Variants in RAB31 observed in about 807,000 individuals in gnomAD.
RAB31 encodes ras-related protein Rab-31.
Under a neutral mutation model 25.6 loss-of-function variants are expected in RAB31, and 21 were observed. The observed-to-expected ratio is 0.82, with a 90% CI of 0.58 to 1.18. The LOEUF (loss-of-function observed/expected upper bound fraction) is 1.18, where lower values mean the gene tolerates loss of function less well. Ranked by LOEUF, RAB31 falls within the 50% of genes most tolerant of loss-of-function variation. RAB31 has a pLI of 0.00. For missense variants in RAB31, 196 were observed against 250.1 expected (o/e 0.78, Z 1.46); for synonymous variants, 87 against 84.0 (o/e 1.04, Z -0.20).
chr18:9,857,860 T>G (rs1186276714), intron 6 of RAB31, among the ~76,000 whole-genome samples: 1 of 139,704 alleles, frequency 7.2e-6, no homozygotes, highest in African/African-American at 2.6e-5. Context: ...AGACCCTATC[T>G]CTACAAAAAA....
chr18:9,765,712 C>G (rs562423547), intron 1 of RAB31, among the ~76,000 whole-genome samples: 44 of 152,118 alleles, frequency 2.9e-4, no homozygotes, highest in Non-Finnish European at 5.7e-4. Flanking sequence ...AAAGTACTTC[C>G]GATCTCTTTG....
At chr18:9,757,841 C>G (rs1237261068) in intron 1 of RAB31, 1 of 152,250 alleles carries the variant, frequency 6.6e-6, no homozygotes, top group Non-Finnish European at 1.5e-5. Context: ...ATGACTCCAT[C>G]CTGGATGCTA....
chr18:9,857,472 C>A (rs1184654926), intron 6 of RAB31, among the ~76,000 whole-genome samples: 1 of 151,762 alleles, frequency 6.6e-6, no homozygotes, highest in East Asian at 1.9e-4. Context: ...TTTTCTTAGA[C>A]TGTACTGTTT....
chr18:9,772,979 G>A (rs1326892277), intron 1 of RAB31, among the ~76,000 whole-genome samples: 2 of 152,172 alleles, frequency 1.3e-5, no homozygotes, highest in African/African-American at 4.8e-5. Flanking sequence ...AGAAATAGCA[G>A]CGGCATCAAT....
At chr18:9,752,561 T>C (rs1025638956) in intron 1 of RAB31, among the ~76,000 whole-genome samples, 1 of 152,218 alleles carries the variant, frequency 6.6e-6, no homozygotes, top group Non-Finnish European at 1.5e-5. Context: ...CTGTGCAACC[T>C]GGAGGTCTGA....
intron 3 of RAB31, among the ~76,000 whole-genome samples, chr18:9,798,983 C>T (rs2068500627): frequency 6.6e-6 from 1 of 152,104 alleles, no homozygotes; most frequent in Non-Finnish European, 1.5e-5. Flanking sequence ...ACTTGGGAGG[C>T]TGAAGTGAGA....
At chr18:9,786,329 G>A (rs546527216) in intron 2 of RAB31, among the ~76,000 whole-genome samples, 7 of 152,226 alleles carry the variant, frequency 4.6e-5, no homozygotes, top group South Asian at 2.1e-4. Flanking sequence ...TGCCCTAAGC[G>A]TCTCTTCATC....
chr18:9,756,354 C>T lies in RAB31; in HGVS notation c.40-18924C>T, dbSNP rs550267532. Among the ~76,000 whole-genome samples, 6 of 152,296 alleles carry T rather than the reference C, an allele frequency of 3.9e-5. No homozygotes were observed. In the South Asian group the frequency reaches 1.2e-3, roughly 32 times the overall value. On this transcript the variant is annotated intron_variant, in intron 1 of 6. Coordinates refer to ENST00000578921, the MANE Select transcript of RAB31 (RefSeq NM_006868.4). ...GTAAGTTGTGGGCAGACTGTAATAT[C>T]CCCAGCTTATAAATAATGTGGAAGT...
rs570128630 is a variant in RAB31 at position 9,775,656 on chromosome 18, CGAT to C, written c.119+300_119+302del. Among the ~76,000 whole-genome samples, 18 of 152,170 alleles carry C rather than the reference CGAT, an allele frequency of 1.2e-4. No homozygotes were observed. In the East Asian group the frequency reaches 3.5e-3, roughly 29 times the overall value. ...CTTGGCGTTATTTCCAGTTGGAAGA[CGAT>C]ATGCAGAGCAAACCCCTGATAGTTC... On this transcript the variant is annotated intron_variant, in intron 2 of 6. Transcript: ENST00000578921.
chr18:9,724,237 C>T (rs1194367677), intron 1 of RAB31, among the ~76,000 whole-genome samples: 1 of 123,334 alleles, frequency 8.1e-6, no homozygotes, highest in Non-Finnish European at 1.6e-5. Context: ...CGCCACTGCA[C>T]TCCAGCCTGG....
chr18:9,819,643 T>C (rs147335943), intron 5 of RAB31, among the ~76,000 whole-genome samples: 1 of 152,250 alleles, frequency 6.6e-6, no homozygotes, highest in African/African-American at 2.4e-5. Flanking sequence ...TGTTGAATCT[T>C]TAGGCCCATT....
rs2068518301 is a variant in RAB31 at position 9,802,373 on chromosome 18, A to T, written c.201+10138A>T. On this transcript the variant is annotated intron_variant, in intron 3 of 6. Coordinates refer to ENST00000578921, the MANE Select transcript of RAB31 (RefSeq NM_006868.4). ...GTTAGAAATGCTGACCTCAGAGAAAAAATTTTGAATAAAGAGTTAGGTCAG... is the reference window on the plus strand; with the variant it reads ...GTTAGAAATGCTGACCTCAGAGAAATAATTTTGAATAAAGAGTTAGGTCAG... Among the ~76,000 whole-genome samples, 4 of 152,194 alleles carry T rather than the reference A, an allele frequency of 2.6e-5. No homozygotes were observed. The South Asian group carries it at 8.3e-4, about 31-fold the overall frequency.
chr18:9,713,148 G>A (rs2068026437), intron 1 of RAB31, among the ~76,000 whole-genome samples: 1 of 152,252 alleles, frequency 6.6e-6, no homozygotes, highest in East Asian at 1.9e-4. Flanking sequence ...CTGTATGACA[G>A]AGTATCCAAT....
intron 1 of RAB31, among the ~76,000 whole-genome samples, chr18:9,736,267 CCTAG>C (rs1352324536): frequency 6.6e-6 from 1 of 152,208 alleles, no homozygotes; most frequent in Non-Finnish European, 1.5e-5. Flanking sequence ...AACCACCATG[CCTAG>C]CCTGAAAACA....
chr18:9,817,281 G>A (rs910348801), intron 5 of RAB31, among the ~76,000 whole-genome samples: 2 of 152,118 alleles, frequency 1.3e-5, no homozygotes, highest in African/African-American at 4.8e-5. Flanking sequence ...TGGGAATGCT[G>A]GTGGACTAGA....
chr18:9,805,913 G>A (rs561987687), intron 3 of RAB31, among the ~76,000 whole-genome samples: 5 of 151,842 alleles, frequency 3.3e-5, no homozygotes, highest in Non-Finnish European at 7.4e-5. Flanking sequence ...AGTGGCTCAC[G>A]CCTGTAATCC....
intron 1 of RAB31, among the ~76,000 whole-genome samples, chr18:9,739,546 A>C (rs375187329): frequency 3.6e-3 from 23 of 6,468 alleles, no homozygotes; most frequent in Non-Finnish European, 1.5e-3. Context: ...TAATGTGCTA[A>C]AAAAAAAAAA....
At chr18:9,830,004 A>AAATATTATTACT (rs2068669247) in intron 5 of RAB31, among the ~76,000 whole-genome samples, 1 of 149,400 alleles carries the variant, frequency 6.7e-6, no homozygotes. Flanking sequence ...TGCTTTTAAA[A>AAATATTATTACT]AATATTATTA....
intron 1 of RAB31, among the ~76,000 whole-genome samples, chr18:9,746,465 ATCT>A (rs142933092): frequency 4.8e-5 from 7 of 144,654 alleles, no homozygotes; most frequent in East Asian, 2.7e-4. Flanking sequence ...AGCCAAAACA[ATCT>A]TGATAAAGAA....
Sources: allele counts gnomAD v4.1 joint callset (sites outside exome capture counted in the v4.1 genomes callset), GRCh38; gene constraint gnomAD v4.1.1; transcripts MANE v1.5; gene names NCBI Gene and HGNC (gene_info 2026-07-23, HGNC 2026-07-21).